Variants in QTMAN observed in about 807,000 individuals in gnomAD.
The protein encoded by QTMAN is queuosine-tRNA mannosyltransferase, also known as tRNA-queuosine alpha-mannosyltransferase.
chr2:144,031,780 C>G, the QTMAN span, among the ~76,000 whole-genome samples: 1 of 151,902 alleles, frequency 6.6e-6, no homozygotes, highest in Non-Finnish European at 1.5e-5. Flanking sequence ...TTTCTTGAGA[C>G]AGAATCTCAC....
the QTMAN span, among the ~76,000 whole-genome samples, chr2:144,132,430 A>T: frequency 6.6e-6 from 1 of 152,230 alleles, no homozygotes; most frequent in South Asian, 2.1e-4. Flanking sequence ...AACATTTCCC[A>T]GCATTCTAAA....
the QTMAN span, chr2:144,141,732 T>C: frequency 1.8e-6 from 1 of 547,140 alleles, no homozygotes. Flanking sequence ...TTAAAATCTT[T>C]GTAAATCACA....
the QTMAN span, among the ~76,000 whole-genome samples, chr2:144,181,864 T>C: frequency 2.0e-5 from 3 of 152,102 alleles, no homozygotes; most frequent in Non-Finnish European, 2.9e-5. Context: ...AGTTATGACA[T>C]TACATTATTT....
the QTMAN span, among the ~76,000 whole-genome samples, chr2:144,107,194 T>G: frequency 6.6e-6 from 1 of 151,922 alleles, no homozygotes; most frequent in Admixed American, 6.6e-5. Flanking sequence ...ACAATTAAAA[T>G]AACGAGAGAA....
the QTMAN span, among the ~76,000 whole-genome samples, chr2:144,036,854 T>C: frequency 6.6e-6 from 1 of 152,162 alleles, no homozygotes; most frequent in African/African-American, 2.4e-5. Context: ...ATAAATAGTC[T>C]GAAGATAGAA....
chr2:144,117,078 ACAGCACC>A, the QTMAN span, among the ~76,000 whole-genome samples: 1 of 152,154 alleles, frequency 6.6e-6, no homozygotes, highest in African/African-American at 2.4e-5. Context: ...TCTCCTATGG[ACAGCACC>A]CCGCATACCA....
the QTMAN span, among the ~76,000 whole-genome samples, chr2:144,192,315 C>G: frequency 1.3e-5 from 2 of 152,032 alleles, no homozygotes; most frequent in African/African-American, 4.8e-5. Flanking sequence ...TCATGTTGGC[C>G]AGGCTGGTTT....
At chr2:144,255,084 C>T in the QTMAN span, among the ~76,000 whole-genome samples, 3 of 152,098 alleles carry the variant, frequency 2.0e-5, no homozygotes, top group African/African-American at 7.2e-5. Flanking sequence ...TGGACTTGGA[C>T]TTCTGAGTTA....
the QTMAN span, among the ~76,000 whole-genome samples, chr2:144,329,461 A>T: frequency 6.6e-6 from 1 of 152,354 alleles, no homozygotes; most frequent in Non-Finnish European, 1.5e-5. Context: ...AAAGGTCTAT[A>T]TGCTGAAAAA....
the QTMAN span, among the ~76,000 whole-genome samples, chr2:143,970,230 T>G: frequency 6.6e-6 from 1 of 152,186 alleles, no homozygotes; most frequent in Non-Finnish European, 1.5e-5. Flanking sequence ...CATTCCACAT[T>G]ACAAGTTAGA....
chr2:144,104,369 G>A, the QTMAN span, among the ~76,000 whole-genome samples: 27 of 152,302 alleles, frequency 1.8e-4, no homozygotes, highest in Non-Finnish European at 3.2e-4. Flanking sequence ...CAAGGGAAGC[G>A]GTGATGGATG....
At chr2:144,069,294 T>C in the QTMAN span, among the ~76,000 whole-genome samples, 11 of 144,796 alleles carry the variant, frequency 7.6e-5, no homozygotes, top group Admixed American at 6.7e-4. Context: ...TGGGAATCTT[T>C]TACAAAAAAA....
chr2:144,212,326 G>C, the QTMAN span, among the ~76,000 whole-genome samples: 6 of 152,212 alleles, frequency 3.9e-5, no homozygotes, highest in Non-Finnish European at 1.5e-5. Flanking sequence ...GCCAGGCATG[G>C]TGAGGCATGC....
At chr2:144,175,058 T>C in the QTMAN span, among the ~76,000 whole-genome samples, 3 of 152,112 alleles carry the variant, frequency 2.0e-5, no homozygotes, top group Non-Finnish European at 4.4e-5. Context: ...GACTTACCTA[T>C]GGCATTAACC....
chr2:144,011,595 A>G, the QTMAN span: 3 of 974,858 alleles, frequency 3.1e-6, no homozygotes, highest in African/African-American at 5.3e-5. Flanking sequence ...CACTATTTAT[A>G]ATGTACAGTT....
At chr2:143,974,890 T>C in the QTMAN span, among the ~76,000 whole-genome samples, 1 of 152,206 alleles carries the variant, frequency 6.6e-6, no homozygotes, top group Non-Finnish European at 1.5e-5. Flanking sequence ...ATAATCCCTA[T>C]ACATTTGACA....
chr2:144,246,932 C>G, the QTMAN span, among the ~76,000 whole-genome samples: 2 of 152,184 alleles, frequency 1.3e-5, no homozygotes, highest in African/African-American at 4.8e-5. Context: ...TAAGCATTTC[C>G]TTCCAAAAAC....
At chr2:144,075,887 T>C in the QTMAN span, among the ~76,000 whole-genome samples, 1 of 152,228 alleles carries the variant, frequency 6.6e-6, no homozygotes, top group African/African-American at 2.4e-5. Flanking sequence ...GTCCTGAATA[T>C]ATTGTGTGCA....
chr2:144,194,491 T>C, the QTMAN span, among the ~76,000 whole-genome samples: 14 of 152,282 alleles, frequency 9.2e-5, no homozygotes, highest in African/African-American at 3.1e-4. Context: ...TGCCCAAACA[T>C]TGAAGAAATT....
Sources: gnomAD v4.1 joint callset for allele counts (sites outside exome capture counted in the v4.1 genomes callset) on GRCh38, gnomAD v4.1.1 for gene constraint, MANE v1.5 for transcripts, NCBI Gene and HGNC (gene_info 2026-07-23, HGNC 2026-07-21) for gene names.